The following PHACTR1 variants were observed in gnomAD, a reference collection of about 807,000 sequenced individuals.
PHACTR1 encodes the protein RPEL repeat containing 1.
In PHACTR1, 16 loss-of-function variants were observed where a neutral mutation model predicts 69.2. That is an observed-to-expected ratio of 0.23 (90% CI 0.16 to 0.35). The LOEUF (loss-of-function observed/expected upper bound fraction) is 0.35, where lower values mean the gene tolerates loss of function less well. Ranked by LOEUF, PHACTR1 falls within the 10% of genes least tolerant of loss-of-function variation. PHACTR1 has a pLI of 1.00. For missense variants in PHACTR1, 510 were observed against 734.7 expected (o/e 0.69, Z 3.54); for synonymous variants, 312 against 284.5 (o/e 1.10, Z -0.97).
intron 4 of PHACTR1, among the ~76,000 whole-genome samples, chr6:12,883,753 T>A (rs965781847): frequency 3.3e-5 from 5 of 152,186 alleles, no homozygotes; most frequent in Admixed American, 2.0e-4. Flanking sequence ...ACTGGCATCT[T>A]GATAGTGCTC....
At chr6:13,161,145 A>G (rs11961234) in intron 6 of PHACTR1, among the ~76,000 whole-genome samples, 45,551 of 151,752 alleles carry the variant, frequency 0.3, 7,074 homozygotes, top group Non-Finnish European at 0.32. Context: ...ACACCTGGCC[A>G]ATTTTTGTAT....
At chr6:13,003,965 G>GTT (rs1798443361) in intron 4 of PHACTR1, among the ~76,000 whole-genome samples, 1 of 96,308 alleles carries the variant, frequency 1.0e-5, no homozygotes, top group Non-Finnish European at 1.9e-5. Flanking sequence ...ATATATATAT[G>GTT]TATATATATA....
chr6:13,094,510 G>T (rs191377371), intron 5 of PHACTR1, among the ~76,000 whole-genome samples: 1 of 151,654 alleles, frequency 6.6e-6, no homozygotes, highest in East Asian at 2.0e-4. Context: ...TTAGCCAGGC[G>T]GGTCTTGAAC....
At chr6:12,979,261 CT>C (rs1415509991) in intron 4 of PHACTR1, among the ~76,000 whole-genome samples, 2 of 152,202 alleles carry the variant, frequency 1.3e-5, no homozygotes, top group Non-Finnish European at 2.9e-5. Context: ...GCCCCTTATT[CT>C]TCACTTTGGG....
At position 12,983,674 on chromosome 6, in the gene PHACTR1, C is replaced by T. The variant is rs1184604827; in HGVS notation, c.251-69691C>T. On this transcript the variant is annotated intron_variant, in intron 4 of 14. Coordinates refer to ENST00000332995, the MANE Select transcript of PHACTR1 (RefSeq NM_030948.6). ...AACTCATCATTTACATTAGGTATAT[C>T]TCCCAATGCTACCCCTCCCCACTCC... Among the ~76,000 whole-genome samples, 3 of 152,084 alleles carry T rather than the reference C, an allele frequency of 2.0e-5. No homozygotes were observed. In the South Asian group the frequency reaches 6.2e-4, roughly 32 times the overall value.
chr6:13,218,867 AGAAGAGAAGAGAAGAGAAGAG>A (rs1768132778), intron 8 of PHACTR1, among the ~76,000 whole-genome samples: 1 of 10,234 alleles, frequency 9.8e-5, no homozygotes, highest in South Asian at 2.7e-3. Flanking sequence ...AGAAGAGAAG[AGAAGAGAAGAGAAGAGAAGAG>A]AAGAGAAGAG....
chr6:13,240,725 G>T (rs1351124012), intron 10 of PHACTR1, among the ~76,000 whole-genome samples: 1 of 152,174 alleles, frequency 6.6e-6, no homozygotes, highest in African/African-American at 2.4e-5. Context: ...GGGATTACGG[G>T]CATGAACCAC....
intron 5 of PHACTR1, among the ~76,000 whole-genome samples, chr6:13,102,908 A>G (rs968314523): frequency 2.0e-5 from 3 of 152,206 alleles, no homozygotes; most frequent in African/African-American, 7.2e-5. Context: ...CTTTATGGCC[A>G]GCCAACCTTG....
At chr6:13,155,304 C>T (rs954960453) in intron 5 of PHACTR1, among the ~76,000 whole-genome samples, 2 of 152,196 alleles carry the variant, frequency 1.3e-5, no homozygotes, top group African/African-American at 2.4e-5. Context: ...AGTATATAAG[C>T]CCTGGGTCTG....
At chr6:12,953,758 C>T (rs1296691514) in intron 4 of PHACTR1, among the ~76,000 whole-genome samples, 2 of 152,052 alleles carry the variant, frequency 1.3e-5, no homozygotes, top group African/African-American at 2.4e-5. Context: ...TGTGTAATGA[C>T]GAGAATGATG....
chr6:12,879,606 A>G (rs1253107502), intron 4 of PHACTR1, among the ~76,000 whole-genome samples: 1 of 152,200 alleles, frequency 6.6e-6, no homozygotes, highest in Non-Finnish European at 1.5e-5. Context: ...ATGCAGGGCT[A>G]GGTCAACACT....
chr6:12,809,813 A>C (rs1418582597), intron 4 of PHACTR1, among the ~76,000 whole-genome samples: 1 of 152,236 alleles, frequency 6.6e-6, no homozygotes, highest in Non-Finnish European at 1.5e-5. Flanking sequence ...CAAAACAATA[A>C]AAAATAAATT....
chr6:13,090,489 C>A (rs1345241625), intron 5 of PHACTR1, among the ~76,000 whole-genome samples: 1 of 152,060 alleles, frequency 6.6e-6, no homozygotes, highest in African/African-American at 2.4e-5. Flanking sequence ...CCATGCCCGG[C>A]TAATTTTTGT....
chr6:13,044,628 A>T (rs1463769888), intron 4 of PHACTR1, among the ~76,000 whole-genome samples: 1 of 152,162 alleles, frequency 6.6e-6, no homozygotes, highest in Admixed American at 6.5e-5. Flanking sequence ...TCTCCAGAGG[A>T]GAATGAGGAA....
At chr6:12,765,809 A>G (rs1768539143) in intron 4 of PHACTR1, among the ~76,000 whole-genome samples, 1 of 152,214 alleles carries the variant, frequency 6.6e-6, no homozygotes, top group Non-Finnish European at 1.5e-5. Context: ...ACTTGCAATG[A>G]TACATACCAT....
intron 4 of PHACTR1, among the ~76,000 whole-genome samples, chr6:12,872,790 G>A (rs1782176466): frequency 6.6e-6 from 1 of 152,102 alleles, no homozygotes; most frequent in South Asian, 2.1e-4. Context: ...CAAGGGGGCA[G>A]GACCCAAATC....
intron 4 of PHACTR1, among the ~76,000 whole-genome samples, chr6:12,956,418 GAGATAAC>G (rs67819471): frequency 0.015 from 2,247 of 152,274 alleles, 54 homozygotes; most frequent in African/African-American, 0.051. Context: ...CATCTGGACA[GAGATAAC>G]AGATGCTAAG....
intron 4 of PHACTR1, among the ~76,000 whole-genome samples, chr6:12,883,343 T>C (rs1309582583): frequency 6.6e-6 from 1 of 152,054 alleles, no homozygotes; most frequent in East Asian, 1.9e-4. Context: ...GCTTCCCAAG[T>C]ACCTAGGATT....
rs543875426 is a variant in PHACTR1, at chr6:12,807,406, A to G, written c.250+57616A>G. Among the ~76,000 whole-genome samples the G allele has an allele frequency of 8.5e-5, 13 of 152,344 alleles. No homozygotes were observed. The South Asian group carries it at 2.7e-3, about 32-fold the overall frequency. ...TGGCATTGAAGAGGTAGATAATGCT[A>G]CTTTGGAGAATTTTTCACCAAGAGG... On this transcript the variant is annotated intron_variant, in intron 4 of 14. Coordinates refer to ENST00000332995, the MANE Select transcript of PHACTR1 (RefSeq NM_030948.6).
Sources: allele counts gnomAD v4.1 joint callset (sites outside exome capture counted in the v4.1 genomes callset), GRCh38; gene constraint gnomAD v4.1.1; transcripts MANE v1.5; gene names NCBI Gene and HGNC (gene_info 2026-07-23, HGNC 2026-07-21).